ESRP2: variants seen among roughly 807,000 people sequenced by gnomAD.
ESRP2 encodes the protein RNA binding motif protein 35A.
ESRP2 carries 48 observed loss-of-function variants against 78.6 expected under a neutral mutation model. That is an observed-to-expected ratio of 0.61 (90% CI 0.48 to 0.78). ESRP2 has a LOEUF of 0.78. Among genes scored for constraint, ESRP2 ranks in the 30% least tolerant of loss-of-function variants. The probability of loss-of-function intolerance (pLI) is 0.00; values close to 1 mark genes in which losing one functional copy is unlikely to be tolerated. For missense variants in ESRP2, 863 were observed against 965.9 expected, an observed-to-expected ratio of 0.89 and a Z score of 1.41; for synonymous variants, 383 against 406.7, an observed-to-expected ratio of 0.94 and a Z score of 0.70.
In ESRP2 at chr16:68,231,538, C is replaced by T; in HGVS notation, c.1456G>A (p.Gly486Arg). The stretch of plus-strand genomic sequence containing the variant: ...GGCCGAATGTCAGCTGCTGCCTCCC[C>T]CAGAAAGCTCAGGATGTCTTCAATG... ...ATIEDILSFL[G>R]EAAADIRPHG... Residue 486 changes from glycine (G) to arginine (R), a missense_variant, in exon 11 of 15, where the codon GGG becomes AGG. Gly to Arg is a moderately radical substitution (Grantham distance 125). Transcript: ENST00000473183. This position sits in a 1 kb window ranked among gnomAD's most constrained non-coding sequence, Gnocchi z 6.0. 1 of 1,614,128 alleles carries T rather than the reference C, an allele frequency of 6.2e-7. No individual in the cohort carries two copies. The highest frequency in any genetic ancestry group is 1.1e-5 in the South Asian group (1 of 91,080).
rs199906536 is a variant in ESRP2 at position 68,231,172 on chromosome 16, A to G, written c.1711+6T>C. 1.2e-6 allele frequency: 2 copies of G among 1,612,912 alleles called. No individual in the cohort carries two copies. The highest frequency in any genetic ancestry group is 2.7e-5 in the African/African-American group (2 of 74,984). On this transcript the variant is annotated splice_donor_region_variant and intron_variant, in intron 12 of 14. Coordinates refer to ENST00000473183, the MANE Select transcript of ESRP2 (RefSeq NM_024939.3). The surrounding 1 kb of genome is among the most constrained non-coding windows in gnomAD (Gnocchi z 6.0). ...CTCCTCCTCCCCTAGCCCCTAGGGC[A>G]CTCACAGGGCAGCTTGCAGGGTGGA...
At position 68,233,379 on chromosome 16, in the gene ESRP2, C is replaced by G. The variant is rs2151194801; in HGVS notation, c.603G>C (p.Trp201Cys). The change falls in exon 5 of 15, where the codon TGG (tryptophan) becomes TGC (cysteine). Residue 201 changes from tryptophan (W) to cysteine (C), a missense_variant. Transcript: ENST00000473183. ...TAACAGCTACCATTGTCTTGACTTCCCAGACCCCAAAGTCATCCTCTGTGG... is the reference window on the plus strand; with the variant it reads ...TAACAGCTACCATTGTCTTGACTTCGCAGACCCCAAAGTCATCCTCTGTGG... Reference protein sequence around the residue: ...TDATEDDFGVWEVKTMVAVIL... With the variant: ...TDATEDDFGVCEVKTMVAVIL... 6.2e-7 allele frequency: 1 copy of G among 1,614,092 alleles called. No individual in the cohort carries two copies. Among genetic ancestry groups the G allele is most frequent in the East Asian group, 2.2e-5 (1 of 44,868 alleles).
rs775200064 is a variant in ESRP2 at position 68,236,035 on chromosome 16, G to A, written c.11C>T (p.Pro4Leu). 7.4e-5 allele frequency: 108 copies of A among 1,452,794 alleles called. No homozygotes were observed. Among genetic ancestry groups the A allele is most frequent in the Non-Finnish European group, 9.2e-5 (102 of 1,114,364 alleles). The allele number at this position is 1,452,794 out of a possible 1,614,324, so 90.0% of individuals were successfully genotyped here. ...GCCCGGGGGAGGGGGCGGCGGCGGC[G>A]GCGGAGTCATGGCCGCAGAGGAAGG... MTP[P>L]PPPPPPPGPD... is the part of the protein sequence containing the mutation. The change falls in exon 1 of 15, where the codon CCG becomes CTG. Residue 4 changes from proline (P) to leucine (L), a missense_variant. Transcript: ENST00000473183. This position sits in a 1 kb window ranked among gnomAD's most constrained non-coding sequence, Gnocchi z 5.2.
rs773981208 is a variant in ESRP2, at chr16:68,232,246, C to T, written c.997G>A (p.Gly333Ser). Residue 333 changes from glycine to serine, a missense_variant and splice_region_variant, in exon 9 of 15, where the codon GGC (glycine) becomes AGC (serine). Gly to Ser is a moderately conservative substitution (Grantham distance 56). Coordinates refer to ENST00000473183, the MANE Select transcript of ESRP2 (RefSeq NM_024939.3). This position sits in a 1 kb window ranked among gnomAD's most constrained non-coding sequence, Gnocchi z 5.2. ...CAGGCCCTGTTTGCAGTATACTCAC[C>T]CCCTGCAATCTTTACAAACTCCTCC... is the stretch of plus-strand genomic sequence containing the variant. ...TGEEFVKIAG[G>S]TSLEVARFLS... The T allele has an allele frequency of 1.9e-6, 3 of 1,614,134 alleles. No homozygotes were observed. Among genetic ancestry groups the T allele is most frequent in the Non-Finnish European group, 1.7e-6 (2 of 1,180,016 alleles).
chr16:68,236,016 G>A lies in ESRP2; in HGVS notation c.30C>T (p.Pro10=). The A allele has an allele frequency of 6.7e-7, 1 of 1,490,234 alleles. No homozygotes were observed. Among genetic ancestry groups the A allele is most frequent in the South Asian group, 1.3e-5 (1 of 75,906 alleles). 92.3% of individuals were successfully genotyped at this position (1,490,234 alleles called of 1,614,324 possible). ...GGTCGGCCGCGGGGTCAGGGCCCGG[G>A]GGAGGGGGCGGCGGCGGCGGCGGAG... MTPPPPPPP[P]PGPDPAADPA... Residue 10 remains proline (P), a synonymous_variant, in exon 1 of 15, where the codon CCC becomes CCT. Coordinates refer to ENST00000473183, the MANE Select transcript of ESRP2 (RefSeq NM_024939.3). This position sits in a 1 kb window ranked among gnomAD's most constrained non-coding sequence, Gnocchi z 5.2.
Position 68,230,476 on chromosome 16 carries a change from C to T in ESRP2, c.1977G>A (p.Leu659=), listed in dbSNP as rs747480624. The T allele has an allele frequency of 1.9e-6, 3 of 1,612,198 alleles. No individual in the cohort carries two copies. In the Admixed American group the frequency reaches 5.0e-5, roughly 27 times the overall value. The change falls in exon 14 of 15, where the codon TTG becomes TTA. Residue 659 remains leucine (L), a synonymous_variant. Transcript: ENST00000473183. ...TGCGGACCAAGGCTCCTGACTGGGA[C>T]AACACTGAGGTGGGAGCAGAGGCCA... The part of the protein sequence containing the change: ...AALASAPTSV[L]SQSGALVRMQ...
At chr16:68,233,196 CAAAAAAAA>C (rs377116348) in intron 5 of ESRP2, 123 bp downstream of exon 5, 1 of 522,904 alleles carries the variant, frequency 1.9e-6, no homozygotes, top group Non-Finnish European at 3.3e-6. Flanking sequence ...GAGACTGTCT[CAAAAAAAA>C]AAAAAAAAAA....
rs1318687117 is a variant in ESRP2, at chr16:68,235,874, G to A, written c.172C>T (p.Gln58Ter). Residue 58 changes from glutamine (Q) to a stop codon, truncating the protein, a stop_gained, in exon 1 of 15, where the codon CAA becomes TAA. Coordinates refer to ENST00000473183, the MANE Select transcript of ESRP2 (RefSeq NM_024939.3). LOFTEE classifies it high-confidence loss of function. This position sits in a 1 kb window ranked among gnomAD's most constrained non-coding sequence, Gnocchi z 5.5. The stretch of plus-strand genomic sequence containing the variant: ...TGGCGGCTCCGCGGCTCAACCACTT[G>A]CCAAACTAGGAGGATTAAGTCGGTC... ...DETDLILLVW[Q>*]VVEPRSRQVG... 1.2e-6 allele frequency: 2 copies of A among 1,611,998 alleles called. No homozygotes were observed. Among genetic ancestry groups the A allele is most frequent in the Admixed American group, 1.7e-5 (1 of 59,962 alleles).
Position 68,230,307 on chromosome 16 carries a change from A to C in ESRP2, c.2073T>G (p.Ala691=). 1.2e-6 allele frequency: 2 copies of C among 1,614,208 alleles called. No homozygotes were observed. The highest frequency in any genetic ancestry group is 1.7e-6 in the Non-Finnish European group (2 of 1,180,030). ...LSVFQAYQLP[A]DDYTSLMPVG... is the part of the protein sequence containing the mutation. ...CAGGCATCAGACTGGTGTAGTCATCAGCGGGTAGCTACAGAAGGGACACAG... is the reference window on the plus strand; with the variant it reads ...CAGGCATCAGACTGGTGTAGTCATCCGCGGGTAGCTACAGAAGGGACACAG... The change falls in exon 15 of 15, where the codon GCT becomes GCG. Residue 691 remains alanine (A), a synonymous_variant. Transcript: ENST00000473183.
rs750654094 is a variant in ESRP2, at chr16:68,232,457, C to T, written c.868G>A (p.Glu290Lys). Residue 290 changes from glutamate (E) to lysine (K), a missense_variant, in exon 8 of 15, where the codon GAG becomes AAG. Physicochemically the swap from Glu to Lys is moderately conservative, Grantham distance 56 (BLOSUM62 1). Coordinates refer to ENST00000473183, the MANE Select transcript of ESRP2 (RefSeq NM_024939.3). This position sits in a 1 kb window ranked among gnomAD's most constrained non-coding sequence, Gnocchi z 5.2. The part of the protein sequence containing the change: ...CLNAQGRRNG[E>K]ALIRFVDSEQ... The stretch of plus-strand genomic sequence containing the variant: ...CTGTCCACAAAGCGGATGAGGGCCT[C>T]GCCATTTCTGCGGCCCTGGGCGTTG... 22 of 1,614,180 alleles carry T rather than the reference C, an allele frequency of 1.4e-5. No homozygotes were observed. Among genetic ancestry groups the T allele is most frequent in the Non-Finnish European group, 1.7e-5 (20 of 1,180,032 alleles).
rs772241122 is a variant in ESRP2 at position 68,232,082 on chromosome 16, C to T, written c.1019G>A (p.Arg340His). The change falls in exon 10 of 15, where the codon CGT becomes CAT. Residue 340 changes from arginine to histidine, a missense_variant. Coordinates refer to ENST00000473183, the MANE Select transcript of ESRP2 (RefSeq NM_024939.3). The surrounding 1 kb of genome is among the most constrained non-coding windows in gnomAD (Gnocchi z 5.2). ...IAGGTSLEVARFLSREDQVIL... is the reference protein window; with the variant it reads ...IAGGTSLEVAHFLSREDQVIL... ...CACTTGGTCTTCCCGTGACAAGAAA[C>T]GAGCCACCTCTAGTGATGTGCCTGT... 1.7e-5 allele frequency: 28 copies of T among 1,613,104 alleles called. No individual in the cohort carries two copies. The South Asian group carries it at 1.9e-4, about 11-fold the overall frequency.
Position 68,235,780 on chromosome 16 carries a change from A to C in ESRP2, c.199-18T>G. On this transcript the variant is annotated intron_variant, in intron 1 of 14. Transcript: ENST00000473183. This position sits in a 1 kb window ranked among gnomAD's most constrained non-coding sequence, Gnocchi z 5.5. ...GTCCCCACCTGTGAGCGGCGGGGGAAACCGATCAGCCGCGCCCCTCGACCC... is the reference window on the plus strand; with the variant it reads ...GTCCCCACCTGTGAGCGGCGGGGGACACCGATCAGCCGCGCCCCTCGACCC... 1 of 1,608,880 alleles carries C rather than the reference A, an allele frequency of 6.2e-7. No homozygotes were observed. The highest frequency in any genetic ancestry group is 8.5e-7 in the Non-Finnish European group (1 of 1,178,368).
rs201764029 is a variant in ESRP2 at position 68,233,352 on chromosome 16, G to T, written c.630C>A (p.Ile210=). 1.2e-6 allele frequency: 2 copies of T among 1,614,052 alleles called. No homozygotes were observed. Among genetic ancestry groups the T allele is most frequent in the Middle Eastern group, 1.7e-4 (1 of 6,060 alleles). The change falls in exon 5 of 15, where the codon ATC becomes ATA. Residue 210 remains isoleucine, a synonymous_variant. Coordinates refer to ENST00000473183, the MANE Select transcript of ESRP2 (RefSeq NM_024939.3). ...VWEVKTMVAV[I]LHLLKEPSSQ... ...TGCTGGGCTCTTTGAGTAGATGGAG[G>T]ATAACAGCTACCATTGTCTTGACTT...
chr16:68,231,516 C>A lies in ESRP2; in HGVS notation c.1478G>T (p.Arg493Leu), dbSNP rs140405620. The change falls in exon 11 of 15, where the codon CGG becomes CTG. Residue 493 changes from arginine (R) to leucine (L), a missense_variant. Physicochemically the swap from Arg to Leu is moderately radical, Grantham distance 102 (BLOSUM62 -2). Coordinates refer to ENST00000473183, the MANE Select transcript of ESRP2 (RefSeq NM_024939.3). This position sits in a 1 kb window ranked among gnomAD's most constrained non-coding sequence, Gnocchi z 6.0. ...SFLGEAAADI[R>L]PHGVHMVLNQ... ...GAGCACCATGTGTACACCGTGGGGC[C>A]GAATGTCAGCTGCTGCCTCCCCCAG... is the stretch of plus-strand genomic sequence containing the variant. 2 of 1,614,056 alleles carry A rather than the reference C, an allele frequency of 1.2e-6. No homozygotes were observed. The highest frequency in any genetic ancestry group is 4.5e-5 in the East Asian group (2 of 44,870).
Position 68,231,437 on chromosome 16 carries a change from AC to A in ESRP2, c.1512+44del, listed in dbSNP as rs2042138441. 1.1e-5 allele frequency: 18 copies of A among 1,613,086 alleles called. No individual in the cohort carries two copies. The highest frequency in any genetic ancestry group is 1.5e-5 in the Non-Finnish European group (18 of 1,179,532). ...TAAGAGTGCCTTACCCCTAACACAC[AC>A]CCCTTCCTATTTATGTGTTCCCCCT... On this transcript the variant is annotated intron_variant, in intron 11 of 14. Transcript: ENST00000473183. This position sits in a 1 kb window ranked among gnomAD's most constrained non-coding sequence, Gnocchi z 6.0.
Position 68,235,722 on chromosome 16 carries a change from G to A in ESRP2, c.239C>T (p.Ala80Val), listed in dbSNP as rs747198862. Residue 80 changes from alanine (A) to valine (V), a missense_variant, in exon 2 of 15, where the codon GCC (alanine) becomes GTC (valine). Coordinates refer to ENST00000473183, the MANE Select transcript of ESRP2 (RefSeq NM_024939.3). This position sits in a 1 kb window ranked among gnomAD's most constrained non-coding sequence, Gnocchi z 5.5. ...LHKSLVRAEA[A>V]ALSTQCREAS... is the part of the protein sequence containing the mutation. ...CTCGCGGCACTGCGTACTCAGTGCG[G>A]CCGCCTCGGCACGAACCAGCGATTT... 21 of 1,605,638 alleles carry A rather than the reference G, an allele frequency of 1.3e-5. No individual in the cohort carries two copies. Among genetic ancestry groups the A allele is most frequent in the Admixed American group, 1.7e-5 (1 of 59,844 alleles).
At position 68,232,798 on chromosome 16, in the gene ESRP2, G is replaced by A; in HGVS notation, c.673C>T (p.Pro225Ser). 6.2e-7 allele frequency: 1 copy of A among 1,614,176 alleles called. No individual in the cohort carries two copies. Among genetic ancestry groups the A allele is most frequent in the Non-Finnish European group, 8.5e-7 (1 of 1,180,054 alleles). ...TCGTATTTCTGCTTTATCACCTCGG[G>A]CTTCGAAAACAATTGACCTGAGAAA... is the stretch of plus-strand genomic sequence containing the variant. ...KEPSSQLFSK[P>S]EVIKQKYETG... is the part of the protein sequence containing the mutation. The change falls in exon 6 of 15, where the codon CCC becomes TCC. Residue 225 changes from proline to serine, a missense_variant. Coordinates refer to ENST00000473183, the MANE Select transcript of ESRP2 (RefSeq NM_024939.3). This position sits in a 1 kb window ranked among gnomAD's most constrained non-coding sequence, Gnocchi z 5.2.
At chr16:68,233,112 T>C (rs1469134645) in intron 5 of ESRP2, 2 of 608,738 alleles carry the variant, frequency 3.3e-6, no homozygotes, top group African/African-American at 3.7e-5. Flanking sequence ...GACAGGAGAA[T>C]CGCTTGAACC....
In ESRP2 at chr16:68,232,967, G is replaced by A. The variant is rs1038282027; in HGVS notation, c.656-152C>T. 42 of 1,070,138 alleles carry A rather than the reference G, an allele frequency of 3.9e-5. No individual in the cohort carries two copies. Among genetic ancestry groups the A allele is most frequent in the Admixed American group, 2.1e-4 (10 of 48,608 alleles). 66.3% of individuals were successfully genotyped at this position (1,070,138 alleles called of 1,614,324 possible). On this transcript the variant is annotated intron_variant, in intron 5 of 14. Coordinates refer to ENST00000473183, the MANE Select transcript of ESRP2 (RefSeq NM_024939.3). This position sits in a 1 kb window ranked among gnomAD's most constrained non-coding sequence, Gnocchi z 5.2. The stretch of plus-strand genomic sequence containing the variant: ...TAATCCCAGCACTTTGGGAGGCCAA[G>A]GTGGGTGGATCATTTGAGGTCAGGA...
Sources: gnomAD v4.1 joint callset for allele counts on GRCh38, gnomAD v4.1.1 for gene constraint, Gnocchi (gnomAD v3.1) non-coding constraint, MANE v1.5 for transcripts, NCBI Gene and HGNC (gene_info 2026-07-23, HGNC 2026-07-21) for gene names.